The following BCKDHA variants were observed in gnomAD, a reference collection of about 807,000 sequenced individuals.
The protein encoded by BCKDHA is 2-oxoisovalerate dehydrogenase subunit alpha, mitochondrial.
Under a neutral mutation model 52.2 loss-of-function variants are expected in BCKDHA, and 43 were observed. The ratio of observed to expected loss-of-function variants is 0.82; its 90% CI spans 0.64 to 1.06. The LOEUF (loss-of-function observed/expected upper bound fraction) is 1.06, where lower values mean the gene tolerates loss of function less well. Ranked by LOEUF, BCKDHA falls within the 50% of genes least tolerant of loss-of-function variation. The pLI is 0.00. For synonymous variants in BCKDHA, 234 were observed against 247.9 expected (o/e 0.94, Z 0.53); for missense variants, 527 against 621.3 (o/e 0.85, Z 1.61).
At chr19:41,422,455 C>T in intron 6 of BCKDHA, 85 bp downstream of exon 6, 1 of 1,585,880 alleles carries the variant, frequency 6.3e-7, no homozygotes, top group Non-Finnish European at 8.6e-7. Flanking sequence ...CACCCCTACC[C>T]TCCTTCCTGG....
chr19:41,418,935 A>T (rs2039334844), intron 4 of BCKDHA, 200 bp from the exon 5 acceptor site: 2 of 617,032 alleles, frequency 3.2e-6, no homozygotes, highest in Non-Finnish European at 5.7e-6. Flanking sequence ...AGAAAGAAAG[A>T]AAAAGGCTAG....
chr19:41,419,923 G>A (rs143036749), intron 5 of BCKDHA, among the ~76,000 whole-genome samples: 70 of 151,938 alleles, frequency 4.6e-4, no homozygotes, highest in Non-Finnish European at 8.7e-4. Flanking sequence ...ATATGCCATT[G>A]TGCTTGGCTA....
chr19:41,422,109 AGT>A (rs1315595786), intron 5 of BCKDHA, 53 bp from the exon 6 acceptor site: 5 of 1,530,134 alleles, frequency 3.3e-6, no homozygotes, highest in Non-Finnish European at 4.5e-6. Context: ...AGTGTGAATG[AGT>A]GTGAGTGCAT....
chr19:41,419,589 G>A (rs557374153), intron 5 of BCKDHA, among the ~76,000 whole-genome samples: 1 of 152,122 alleles, frequency 6.6e-6, no homozygotes, highest in Non-Finnish European at 1.5e-5. Context: ...CTACAGGTGT[G>A]CACCACCACG....
At position 41,419,288 on chromosome 19, in the gene BCKDHA, TC is replaced by T. The variant is rs1489503014; in HGVS notation, c.641del (p.Pro214LeufsTer116). Reference protein sequence around the residue: ...VTISSPLATQIPQAVGAAYAA... With the variant: ...VTISSPLATQXPQAVGAAYAA... ...ATCTCCTCTCCACTGGCCACGCAGATCCCTCAGGGTGAGGATGCATGCCCTG... is the reference window on the plus strand; with the variant it reads ...ATCTCCTCTCCACTGGCCACGCAGATCCTCAGGGTGAGGATGCATGCCCTG... On this transcript the variant is annotated frameshift_variant, in exon 5 of 9. Coordinates refer to ENST00000269980, the MANE Select transcript of BCKDHA (RefSeq NM_000709.4). LOFTEE classifies it high-confidence loss of function. 6.2e-7 allele frequency: 1 copy of T among 1,613,136 alleles called. No homozygotes were observed. Among genetic ancestry groups the T allele is most frequent in the Non-Finnish European group, 8.5e-7 (1 of 1,179,588 alleles).
chr19:41,398,340 C>T (rs1468515796), intron 1 of BCKDHA, among the ~76,000 whole-genome samples: 1 of 152,158 alleles, frequency 6.6e-6, no homozygotes, highest in Non-Finnish European at 1.5e-5. Flanking sequence ...AAAGATCCCT[C>T]TTCAAGAAGA....
chr19:41,401,385 C>T (rs1298544240), intron 1 of BCKDHA, among the ~76,000 whole-genome samples: 3 of 152,102 alleles, frequency 2.0e-5, no homozygotes, highest in African/African-American at 4.8e-5. Context: ...TAAGATGATG[C>T]AGTTTTATCC....
At chr19:41,422,392 C>A in intron 6 of BCKDHA, 22 bp downstream of exon 6, 1 of 1,613,474 alleles carries the variant, frequency 6.2e-7, no homozygotes, top group Non-Finnish European at 8.5e-7. Flanking sequence ...GCTGGCTGCT[C>A]CCCACCCCGC....
rs398123502 is a variant in BCKDHA at position 41,419,149 on chromosome 19, C to T, written c.499C>T (p.Arg167Trp). ...QYREAGVLMYRDYPLELFMAQ... is the reference protein window; with the variant it reads ...QYREAGVLMYWDYPLELFMAQ... The stretch of plus-strand genomic sequence containing the variant: ...TCCCCTCCTAGGTGTGCTGATGTAT[C>T]GGGACTACCCCCTGGAACTATTCAT... Residue 167 changes from arginine to tryptophan, a missense_variant, in exon 5 of 9, where the codon CGG becomes TGG. By Grantham distance (101) the Arg-to-Trp change is moderately radical. Coordinates refer to ENST00000269980, the MANE Select transcript of BCKDHA (RefSeq NM_000709.4). The T allele has an allele frequency of 1.2e-6, 2 of 1,614,160 alleles. No homozygotes were observed. The highest frequency in any genetic ancestry group is 2.2e-5 in the South Asian group (2 of 91,088).
Position 41,418,049 on chromosome 19 carries a change from G to A in BCKDHA, c.485-1086G>A, listed in dbSNP as rs1008838774. Among the ~76,000 whole-genome samples, 28 of 137,468 alleles carry A rather than the reference G, an allele frequency of 2.0e-4. No homozygotes were observed. In the East Asian group the frequency reaches 2.1e-3, roughly 10 times the overall value. 90.2% of individuals were successfully genotyped at this position (137,468 alleles called of 152,430 possible). A position where few individuals can be genotyped will look rare whatever the true frequency, so the allele number is the denominator to read the frequency against. ...GGAGGTTGCAGTGAGCTCAGATTGC[G>A]CCACTGCACTCCAGCCTGGGTGGCC... On this transcript the variant is annotated intron_variant, in intron 4 of 8. Coordinates refer to ENST00000269980, the MANE Select transcript of BCKDHA (RefSeq NM_000709.4).
chr19:41,418,264 C>T (rs897457779), intron 4 of BCKDHA, among the ~76,000 whole-genome samples: 12 of 152,256 alleles, frequency 7.9e-5, no homozygotes, highest in African/African-American at 2.4e-4. Context: ...TGATCCACAG[C>T]GCTGCCCCTA....
chr19:41,418,705 ATT>A (rs745426524), intron 4 of BCKDHA: 2,030 of 395,726 alleles, frequency 5.1e-3, no homozygotes, highest in Middle Eastern at 0.011. Context: ...TAATGTTTTG[ATT>A]TTTTTTTTTT....
rs780689684 is a variant in BCKDHA at position 41,424,533 on chromosome 19, C to T, written c.1263C>T (p.Arg421=). ...ATCAGGAGATGCCCGCCCAGCTCCGCAAGCAGCAGGAGTCTCTGGCCCGCC... is the reference window on the plus strand; with the variant it reads ...ATCAGGAGATGCCCGCCCAGCTCCGTAAGCAGCAGGAGTCTCTGGCCCGCC... ...DVYQEMPAQL[R]KQQESLARHL... Residue 421 remains arginine, a synonymous_variant, in exon 9 of 9, where the codon CGC becomes CGT. Coordinates refer to ENST00000269980, the MANE Select transcript of BCKDHA (RefSeq NM_000709.4). The T allele has an allele frequency of 2.3e-5, 37 of 1,614,182 alleles. No individual in the cohort carries two copies. The highest frequency in any genetic ancestry group is 3.1e-5 in the Non-Finnish European group (36 of 1,180,032).
At chr19:41,410,500 A>T in intron 1 of BCKDHA, 137 bp from the exon 2 acceptor site, 1 of 905,710 alleles carries the variant, frequency 1.1e-6, no homozygotes, top group Non-Finnish European at 1.7e-6. Flanking sequence ...TGGGGCTCAG[A>T]CCCTGTGAGT....
intron 4 of BCKDHA, chr19:41,415,383 T>G (rs572372935): frequency 6.6e-6 from 1 of 152,348 alleles, no homozygotes; most frequent in South Asian, 2.1e-4. Context: ...CGCTGAGCTC[T>G]CCACATGGGA....
intron 4 of BCKDHA, among the ~76,000 whole-genome samples, chr19:41,416,726 C>T (rs1182606265): frequency 1.3e-5 from 2 of 151,922 alleles, no homozygotes; most frequent in Admixed American, 6.6e-5. Flanking sequence ...TTGATACCAG[C>T]CTGGGCAACA....
chr19:41,421,690 T>C (rs2039367026), intron 5 of BCKDHA, among the ~76,000 whole-genome samples: 1 of 152,054 alleles, frequency 6.6e-6, no homozygotes, highest in Admixed American at 6.6e-5. Context: ...CGACTTTTAC[T>C]CAAAGTGGGA....
chr19:41,414,099 G>A lies in BCKDHA; in HGVS notation c.426G>A (p.Val142=), dbSNP rs748925009. Residue 142 remains valine (V), a synonymous_variant, in exon 4 of 9, where the codon GTG becomes GTA. Coordinates refer to ENST00000269980, the MANE Select transcript of BCKDHA (RefSeq NM_000709.4). ...MTNYGEEGTH[V]GSAAALDNTD... ...ACTATGGTGAGGAGGGCACGCACGT[G>A]GGGAGTGCCGCCGCCCTGGACAACA... 9.9e-5 allele frequency: 160 copies of A among 1,613,632 alleles called. No homozygotes were observed. The highest frequency in any genetic ancestry group is 1.3e-4 in the Non-Finnish European group (156 of 1,180,040).
rs1438644080 is a variant in BCKDHA at position 41,422,285 on chromosome 19, T to C, written c.768T>C (p.Leu256=). The C allele has an allele frequency of 6.2e-7, 1 of 1,614,090 alleles. No homozygotes were observed. The highest frequency in any genetic ancestry group is 8.5e-7 in the Non-Finnish European group (1 of 1,180,028). The change falls in exon 6 of 9, where the codon CTT becomes CTC. Residue 256 remains leucine, a synonymous_variant. Transcript: ENST00000269980. ...AHAGFNFAAT[L]ECPIIFFCRN... is the part of the protein sequence containing the mutation. ...CCGGCTTCAACTTCGCTGCCACACT[T>C]GAGTGCCCCATCATCTTCTTCTGCC...
Sources: allele counts gnomAD v4.1 joint callset (sites outside exome capture counted in the v4.1 genomes callset), GRCh38; gene constraint gnomAD v4.1.1; transcripts MANE v1.5; gene names NCBI Gene and HGNC (gene_info 2026-07-23, HGNC 2026-07-21).